The following RGMA variants were observed in gnomAD, a reference collection of about 807,000 sequenced individuals.
RGMA encodes the protein repulsive guidance molecule A.
A neutral mutation model predicts 23.2 loss-of-function variants in RGMA; 10 were observed. The ratio of observed to expected loss-of-function variants is 0.43; its 90% CI spans 0.27 to 0.73. The LOEUF (loss-of-function observed/expected upper bound fraction) is 0.73, where lower values mean the gene tolerates loss of function less well. Ranked by LOEUF, RGMA falls within the 30% of genes least tolerant of loss-of-function variation. The pLI is 0.20. For synonymous variants in RGMA, 308 were observed against 279.3 expected, an observed-to-expected ratio of 1.10 and a Z score of -1.03; for missense variants, 547 against 630.5, an observed-to-expected ratio of 0.87 and a Z score of 1.42.
chr15:93,053,280 C>CGTGCCCCAGA (rs1210129861), intron 2 of RGMA, among the ~76,000 whole-genome samples: 3 of 152,230 alleles, frequency 2.0e-5, no homozygotes, highest in Non-Finnish European at 4.4e-5. Context: ...GGCTTTAACA[C>CGTGCCCCAGA]ACCTTATCTT....
Position 93,052,255 on chromosome 15 carries a change from G to C in RGMA, c.383C>G (p.Thr128Arg), listed in dbSNP as rs762713342. The change falls in exon 3 of 4, where the codon ACG becomes AGG. Residue 128 changes from threonine (T) to arginine (R), a missense_variant. Transcript: ENST00000329082. Reference sequence around the variant, plus strand: ...CTGGCTGTCTCCGGCCGGTGGGAGCGTGCGCAGGCGTGGCTGCGAGGTGGG... The same window carrying C: ...CTGGCTGTCTCCGGCCGGTGGGAGCCTGCGCAGGCGTGGCTGCGAGGTGGG... ...DGPTSQPRLRTLPPAGDSQER... is the reference protein window; with the variant it reads ...DGPTSQPRLRRLPPAGDSQER... The C allele has an allele frequency of 1.2e-5, 20 of 1,604,782 alleles. No homozygotes were observed. In the South Asian group the frequency reaches 2.1e-4, roughly 17 times the overall value.
chr15:93,059,429 C>T (rs2055067212), intron 2 of RGMA, among the ~76,000 whole-genome samples: 1 of 152,202 alleles, frequency 6.6e-6, no homozygotes, highest in South Asian at 2.1e-4. Flanking sequence ...TCCAGCTCTG[C>T]AGATCTTCCT....
intron 2 of RGMA, among the ~76,000 whole-genome samples, chr15:93,067,269 AGTATCTGGAAAAAAG>A: frequency 6.6e-6 from 1 of 150,764 alleles, no homozygotes; most frequent in East Asian, 1.9e-4. Context: ...AAAAAACTTG[AGTATCTGGAAAAAAG>A]AAAAAAAAAT....
intron 2 of RGMA, among the ~76,000 whole-genome samples, chr15:93,059,892 C>T (rs960974700): frequency 6.6e-5 from 10 of 152,154 alleles, no homozygotes; most frequent in Admixed American, 5.2e-4. Flanking sequence ...TTTTCTGATG[C>T]GAACGTCCAT....
intron 1 of RGMA, chr15:93,073,833 C>G: frequency 6.6e-7 from 1 of 1,516,128 alleles, no homozygotes; most frequent in African/African-American, 1.4e-5. Flanking sequence ...CCGGCTGCGC[C>G]CCCGTGCTGA....
chr15:93,049,445 A>ATGGGT (rs1463450066), intron 3 of RGMA, among the ~76,000 whole-genome samples: 1 of 152,190 alleles, frequency 6.6e-6, no homozygotes, highest in Non-Finnish European at 1.5e-5. Flanking sequence ...TGTCTGTAAA[A>ATGGGT]TGGGTATCAG....
chr15:93,060,853 C>G lies in RGMA; in HGVS notation c.131-8346G>C, dbSNP rs76334982. On this transcript the variant is annotated intron_variant, in intron 2 of 3. Transcript: ENST00000329082. Reference sequence around the variant, plus strand: ...GACAGCTCCAGCTGTGGATGCACTGCGGCATCCCAGGACTTCCCCTGGCCC... The same window carrying G: ...GACAGCTCCAGCTGTGGATGCACTGGGGCATCCCAGGACTTCCCCTGGCCC... 7.8e-3 allele frequency among the ~76,000 whole-genome samples: 1,185 copies of G among 152,352 alleles called. 16 individuals carry two copies. Among genetic ancestry groups the G allele is most frequent in the African/African-American group, 0.027 (1,113 of 41,584 alleles).
At chr15:93,050,819 G>C (rs961711275) in intron 3 of RGMA, among the ~76,000 whole-genome samples, 1 of 152,152 alleles carries the variant, frequency 6.6e-6, no homozygotes, top group African/African-American at 2.4e-5. Flanking sequence ...ATGGGACAGG[G>C]AGGCCAGGTC....
chr15:93,066,192 A>G (rs773305074), intron 2 of RGMA: 1 of 1,425,122 alleles, frequency 7.0e-7, no homozygotes. Context: ...CTTCCACGAC[A>G]TCAAATTCCA....
At position 93,039,465 on chromosome 15, in the gene RGMA, C is replaced by T. The variant is rs1004407819; in HGVS notation, c.*5533G>A. ...CGCACAAGTTTGTTACATAGGTATA[C>T]ACGTGCCATGGTGGTTTGCTGCACC... On this transcript the variant is annotated 3_prime_UTR_variant, in exon 4 of 4. Transcript: ENST00000329082. The T allele has an allele frequency of 6.6e-6, 1 of 152,160 alleles. No homozygotes were observed. Among genetic ancestry groups the T allele is most frequent in the East Asian group, 1.9e-4 (1 of 5,196 alleles). 9.4% of individuals were successfully genotyped at this position (152,160 alleles called of 1,614,324 possible).
intron 1 of RGMA, among the ~76,000 whole-genome samples, chr15:93,074,800 G>A (rs570013640): frequency 1.3e-5 from 2 of 152,224 alleles, no homozygotes; most frequent in Admixed American, 1.3e-4. Flanking sequence ...ACCGGGGCAC[G>A]CTAAGCAGGC....
rs72767205 is a variant in RGMA, at chr15:93,046,350, G to A, written c.646-645C>T. Among the ~76,000 whole-genome samples, 541 of 152,308 alleles carry A rather than the reference G, an allele frequency of 3.6e-3. 2 individuals carry two copies. The highest frequency in any genetic ancestry group is 5.5e-3 in the Non-Finnish European group (376 of 68,020). On this transcript the variant is annotated intron_variant, in intron 3 of 3. Coordinates refer to ENST00000329082, the MANE Select transcript of RGMA (RefSeq NM_020211.3). The stretch of plus-strand genomic sequence containing the variant: ...ACCACCAAAAGCTGGAAATGGCAAT[G>A]AATGGATTCTCCCCTGGAGTCTCCA...
intron 1 of RGMA, chr15:93,088,629 C>A: frequency 2.0e-6 from 2 of 1,014,298 alleles, no homozygotes; most frequent in South Asian, 3.3e-5. Flanking sequence ...GAGCTCCCAG[C>A]CCGCACACGG....
chr15:93,086,944 C>G (rs546328440), intron 1 of RGMA, among the ~76,000 whole-genome samples: 2 of 152,306 alleles, frequency 1.3e-5, no homozygotes, highest in African/African-American at 2.4e-5. Flanking sequence ...CCAAGCTATT[C>G]TAAGACCTCG....
At chr15:93,088,482 G>A in intron 1 of RGMA, 1 of 989,356 alleles carries the variant, frequency 1.0e-6, no homozygotes, top group Non-Finnish European at 1.2e-6. Flanking sequence ...CCCGAGGGCA[G>A]GAGATGGCCA....
intron 1 of RGMA, among the ~76,000 whole-genome samples, chr15:93,078,449 C>CA (rs1895507693): frequency 6.6e-6 from 1 of 152,216 alleles, no homozygotes; most frequent in Admixed American, 6.5e-5. Context: ...ATTTACAACT[C>CA]AGAGTGTGAG....
intron 2 of RGMA, among the ~76,000 whole-genome samples, chr15:93,067,079 A>G (rs1895181404): frequency 6.6e-6 from 1 of 152,176 alleles, no homozygotes; most frequent in South Asian, 2.1e-4. Context: ...AAATGATCCT[A>G]CTTTGGAGAG....
chr15:93,073,629 C>G, intron 1 of RGMA: 1 of 1,537,134 alleles, frequency 6.5e-7, no homozygotes, highest in East Asian at 2.4e-5. Context: ...CGCACTCAGA[C>G]GCGACACCGG....
At chr15:93,084,583 CTCT>C (rs1360008255) in intron 1 of RGMA, among the ~76,000 whole-genome samples, 1 of 152,118 alleles carries the variant, frequency 6.6e-6, no homozygotes, top group African/African-American at 2.4e-5. Context: ...AGCGACTCTC[CTCT>C]CTCAGCCACC....
Sources: gnomAD v4.1 joint callset for allele counts (sites outside exome capture counted in the v4.1 genomes callset) on GRCh38, gnomAD v4.1.1 for gene constraint, MANE v1.5 for transcripts, NCBI Gene and HGNC (gene_info 2026-07-23, HGNC 2026-07-21) for gene names.